The following CARMIL3 variants were observed in gnomAD, a reference collection of about 807,000 sequenced individuals.
The protein encoded by CARMIL3 is capping protein regulator and myosin 1 linker 3, also known as capping protein, Arp2/3 and myosin-I linker protein 3.
A neutral mutation model predicts 180.8 loss-of-function variants in CARMIL3; 88 were observed. The ratio of observed to expected loss-of-function variants is 0.49; its 90% CI spans 0.41 to 0.58. The LOEUF is 0.58. CARMIL3 is among the 20% of genes least tolerant of loss of function. The probability of loss-of-function intolerance (pLI) is 0.00; values close to 1 mark genes in which losing one functional copy is unlikely to be tolerated. For synonymous variants in CARMIL3, 696 were observed against 714.5 expected, an observed-to-expected ratio of 0.97 and a Z score of 0.41; for missense variants, 1,548 against 1,787.0, an observed-to-expected ratio of 0.87 and a Z score of 2.41.
intron 11 of CARMIL3, 62 bp downstream of exon 11, chr14:24,056,455 C>A: frequency 6.5e-7 from 1 of 1,549,288 alleles, no homozygotes; most frequent in Non-Finnish European, 8.9e-7. Flanking sequence ...AGCCCAGAGC[C>A]CAACCAGGTC....
intron 29 of CARMIL3, 118 bp from the exon 30 acceptor site, chr14:24,063,001 AT>A: frequency 6.5e-7 from 1 of 1,534,946 alleles, no homozygotes; most frequent in Admixed American, 1.8e-5. Flanking sequence ...CTCTTCCCTC[AT>A]CCCAGTGCCT....
Position 24,058,028 on chromosome 14 carries a change from A to G in CARMIL3, c.1286A>G (p.Asn429Ser), listed in dbSNP as rs778943557. 4 of 1,613,714 alleles carry G rather than the reference A, an allele frequency of 2.5e-6. No individual in the cohort carries two copies. Among genetic ancestry groups the G allele is most frequent in the East Asian group, 4.5e-5 (2 of 44,854 alleles). The change falls in exon 16 of 40, where the codon AAT becomes AGT. Residue 429 changes from asparagine to serine, a missense_variant. Asn to Ser is a conservative substitution (Grantham distance 46). Around this residue, in one of 4 missense-constraint regions of CARMIL3, gnomAD observed 578 missense variants for 666.5 expected, o/e 0.87. Transcript: ENST00000342740. The surrounding 1 kb of genome is among the most constrained non-coding windows in gnomAD (Gnocchi z 6.4). ...FSSAYTLSHV[N>S]LSATKLPLEA... ...AGCGCCTACACACTGAGCCACGTCA[A>G]TCTGTCGGCCACAAAGCTGCCCCTG...
chr14:24,055,397 C>A, intron 8 of CARMIL3, 87 bp downstream of exon 8: 1 of 1,525,560 alleles, frequency 6.6e-7, no homozygotes, highest in Non-Finnish European at 9.1e-7. Context: ...TCTGGTCCCA[C>A]AGCCCCAGCT....
At chr14:24,062,181 T>C in intron 27 of CARMIL3, 1 of 511,610 alleles carries the variant, frequency 2.0e-6, no homozygotes, top group East Asian at 3.4e-5. Context: ...CCCAATTACC[T>C]AGCTCTGTTC....
In CARMIL3 at chr14:24,068,798, G is replaced by A. The variant is rs151201585; in HGVS notation, c.3814G>A (p.Ala1272Thr). The change falls in exon 38 of 40, where the codon GCT (alanine) becomes ACT (threonine). Residue 1272 changes from alanine to threonine, a missense_variant. By Grantham distance (58) the Ala-to-Thr change is moderately conservative (BLOSUM62 0). This residue lies in a region of CARMIL3 where 668 missense variants were observed against 687.8 expected (regional missense o/e 0.97). Coordinates refer to ENST00000342740, the MANE Select transcript of CARMIL3 (RefSeq NM_138360.4). ...CTTCCTCTGCCAGCTACAGGACCCC[G>A]CTCTAGCTCCATGGCCTCCCAAGCC... ...PARNAKLQDP[A>T]LAPWPPKPVA... The A allele has an allele frequency of 1.9e-5, 30 of 1,613,834 alleles. No individual in the cohort carries two copies. The highest frequency in any genetic ancestry group is 6.7e-5 in the East Asian group (3 of 44,896).
rs1437068230 is a variant in CARMIL3 at position 24,062,504 on chromosome 14, C to T, written c.2505C>T (p.Thr835=). ...KLDEVKLSVV[T]YLTSSIVDEI... is the part of the protein sequence containing the mutation. ...GTGAAGTGAAGCTCTCAGTCGTCAC[C>T]TACCTAACCAGCTCCATAGTGGATG... The change falls in exon 28 of 40, where the codon ACC becomes ACT. Residue 835 remains threonine, a synonymous_variant. Coordinates refer to ENST00000342740, the MANE Select transcript of CARMIL3 (RefSeq NM_138360.4). The T allele has an allele frequency of 4.3e-6, 7 of 1,614,212 alleles. No individual in the cohort carries two copies. The highest frequency in any genetic ancestry group is 1.7e-5 in the Admixed American group (1 of 60,036).
rs938529037 is a variant in CARMIL3 at position 24,064,945 on chromosome 14, C to T, written c.3081-13C>T. On this transcript the variant is annotated splice_polypyrimidine_tract_variant and intron_variant, in intron 32 of 39. Coordinates refer to ENST00000342740, the MANE Select transcript of CARMIL3 (RefSeq NM_138360.4). Reference sequence around the variant, plus strand: ...TCTGGCATTTGTTGCTAACTTACCCCGATTCTCCCCAGCTACCCCCGGACT... The same window carrying T: ...TCTGGCATTTGTTGCTAACTTACCCTGATTCTCCCCAGCTACCCCCGGACT... 9.3e-6 allele frequency: 15 copies of T among 1,607,182 alleles called. No homozygotes were observed. Among genetic ancestry groups the T allele is most frequent in the Non-Finnish European group, 1.2e-5 (14 of 1,177,990 alleles).
chr14:24,060,724 G>A lies in CARMIL3; in HGVS notation c.2158G>A (p.Asp720Asn). The change falls in exon 25 of 40, where the codon GAC becomes AAC. Residue 720 changes from aspartate to asparagine, a missense_variant. This residue lies in a region of CARMIL3 where 297 missense variants were observed against 415.9 expected (regional missense o/e 0.71). Transcript: ENST00000342740. ...GCAGGATGAGCTACTCTACGCTCGGGACCTCATCAAAGATGCCAAGAACTC... is the reference window on the plus strand; with the variant it reads ...GCAGGATGAGCTACTCTACGCTCGGAACCTCATCAAAGATGCCAAGAACTC... The part of the protein sequence containing the change: ...PVQDELLYAR[D>N]LIKDAKNSRA... 1 of 1,613,988 alleles carries A rather than the reference G, an allele frequency of 6.2e-7. No individual in the cohort carries two copies. The highest frequency in any genetic ancestry group is 8.5e-7 in the Non-Finnish European group (1 of 1,179,968).
In CARMIL3 at chr14:24,058,120, A is replaced by AG. The variant is rs753050261; in HGVS notation, c.1323-33dup. ...CAAGGGAACCACGGGGAGCGGGAAGAGGTAAAGGAGGGCCTGCTGACCTCC... is the reference window on the plus strand; with the variant it reads ...CAAGGGAACCACGGGGAGCGGGAAGAGGGTAAAGGAGGGCCTGCTGACCTCC... On this transcript the variant is annotated intron_variant, in intron 16 of 39. Transcript: ENST00000342740. The surrounding 1 kb of genome is among the most constrained non-coding windows in gnomAD (Gnocchi z 6.4). The AG allele has an allele frequency of 3.1e-6, 5 of 1,613,748 alleles. No homozygotes were observed. In the East Asian group the frequency reaches 1.1e-4, roughly 36 times the overall value.
Position 24,058,620 on chromosome 14 carries a change from T to C in CARMIL3, c.1393-60T>C. Reference sequence around the variant, plus strand: ...TGGTGTGACTACTATATCCTAAGCATTAAAGGTGCCCTACCCCCACCCCAA... The same window carrying C: ...TGGTGTGACTACTATATCCTAAGCACTAAAGGTGCCCTACCCCCACCCCAA... On this transcript the variant is annotated intron_variant, in intron 17 of 39. Transcript: ENST00000342740. The surrounding 1 kb of genome is among the most constrained non-coding windows in gnomAD (Gnocchi z 6.4). 7.0e-7 allele frequency: 1 copy of C among 1,425,514 alleles called. No homozygotes were observed. The highest frequency in any genetic ancestry group is 1.2e-5 in the South Asian group (1 of 84,738). The allele number at this position is 1,425,514 out of a possible 1,614,324, so 88.3% of individuals were successfully genotyped here. A position where few individuals can be genotyped will look rare whatever the true frequency, so the allele number is the denominator to read the frequency against.
Position 24,054,052 on chromosome 14 carries a change from C to G in CARMIL3, c.136-36C>G, listed in dbSNP as rs1310978049. 1 of 1,611,612 alleles carries G rather than the reference C, an allele frequency of 6.2e-7. No individual in the cohort carries two copies. On this transcript the variant is annotated intron_variant, in intron 2 of 39. Transcript: ENST00000342740. This position sits in a 1 kb window ranked among gnomAD's most constrained non-coding sequence, Gnocchi z 5.1. Reference sequence around the variant, plus strand: ...GGGCAGGGCCACCAAGGCCCAGCAGCTGCCATGAGCTGCCGATTTTTTCCT... The same window carrying G: ...GGGCAGGGCCACCAAGGCCCAGCAGGTGCCATGAGCTGCCGATTTTTTCCT...
In CARMIL3 at chr14:24,068,900, C is replaced by T; in HGVS notation, c.3916C>T (p.Pro1306Ser). The change falls in exon 38 of 40, where the codon CCA becomes TCA. Residue 1306 changes from proline to serine, a missense_variant. This residue lies in a region of CARMIL3 where 668 missense variants were observed against 687.8 expected (regional missense o/e 0.97). Coordinates refer to ENST00000342740, the MANE Select transcript of CARMIL3 (RefSeq NM_138360.4). ...GGAGGCTGAGGCTGGAGATGCAGCT[C>T]CAGGAGTCAACAAACCCCGGCTGAG... ...REEAEAGDAAPGVNKPRLRLS... is the reference protein window; with the variant it reads ...REEAEAGDAASGVNKPRLRLS... 6.2e-7 allele frequency: 1 copy of T among 1,603,398 alleles called. No individual in the cohort carries two copies. The highest frequency in any genetic ancestry group is 1.3e-5 in the African/African-American group (1 of 74,834).
rs112606230 is a variant in CARMIL3, at chr14:24,065,265, C to A, written c.3388C>A (p.Arg1130=). ...TGGGGGCCGGGGACCTTCCTTCCGC[C>A]GGAAGATGGTAAGTGAGGCAGGGGG... ...FGGGRGPSFR[R]KMGTEGSEPG... is the part of the protein sequence containing the mutation. The change falls in exon 33 of 40, where the codon CGG becomes AGG. Residue 1130 remains arginine, a synonymous_variant. Transcript: ENST00000342740. 2,918 of 1,533,164 alleles carry A rather than the reference C, an allele frequency of 1.9e-3. 71 individuals are homozygous for A. The African/African-American group carries it at 0.034, about 18-fold the overall frequency. The allele number at this position is 1,533,164 out of a possible 1,614,324, so 95.0% of individuals were successfully genotyped here.
chr14:24,061,234 G>A lies in CARMIL3; in HGVS notation c.2304+194G>A, dbSNP rs1433357665. ...TGGATTTTTTTCTGCTAGCTTTGATGTTGGTCCCTGAACTCTGACCTCCCT... is the reference window on the plus strand; with the variant it reads ...TGGATTTTTTTCTGCTAGCTTTGATATTGGTCCCTGAACTCTGACCTCCCT... On this transcript the variant is annotated intron_variant, in intron 26 of 39. Coordinates refer to ENST00000342740, the MANE Select transcript of CARMIL3 (RefSeq NM_138360.4). The surrounding 1 kb of genome is among the most constrained non-coding windows in gnomAD (Gnocchi z 4.1). 2 of 637,210 alleles carry A rather than the reference G, an allele frequency of 3.1e-6. No homozygotes were observed. The highest frequency in any genetic ancestry group is 5.4e-6 in the Non-Finnish European group (2 of 369,972). 39.5% of individuals were successfully genotyped at this position (637,210 alleles called of 1,614,324 possible).
At chr14:24,052,904 G>A (rs1220594555) in intron 1 of CARMIL3, among the ~76,000 whole-genome samples, 3 of 152,154 alleles carry the variant, frequency 2.0e-5, no homozygotes. Context: ...CCCCAGAGAC[G>A]GGAGCACAGG....
At chr14:24,065,538 C>T in intron 33 of CARMIL3, 84 bp from the exon 34 acceptor site, 1 of 1,518,836 alleles carries the variant, frequency 6.6e-7, no homozygotes, top group African/African-American at 1.4e-5. Flanking sequence ...CTCAGTGAGG[C>T]AGGGGTCCTC....
At position 24,054,157 on chromosome 14, in the gene CARMIL3, C is replaced by G. The variant is rs773683215; in HGVS notation, c.186+19C>G. ...GGCCAAGGTGAGTTGGGCTGAGGAGCAGGAGAGCACCTGGCATGCTCCCTA... is the reference window on the plus strand; with the variant it reads ...GGCCAAGGTGAGTTGGGCTGAGGAGGAGGAGAGCACCTGGCATGCTCCCTA... On this transcript the variant is annotated intron_variant, in intron 3 of 39. Coordinates refer to ENST00000342740, the MANE Select transcript of CARMIL3 (RefSeq NM_138360.4). This position sits in a 1 kb window ranked among gnomAD's most constrained non-coding sequence, Gnocchi z 5.1. 45 of 1,614,044 alleles carry G rather than the reference C, an allele frequency of 2.8e-5. No individual in the cohort carries two copies. The East Asian group carries it at 8.9e-4, about 32-fold the overall frequency.
intron 31 of CARMIL3, 73 bp from the exon 32 acceptor site, chr14:24,064,172 GA>G: frequency 4.2e-6 from 4 of 955,096 alleles, no homozygotes; most frequent in Non-Finnish European, 6.6e-6. Context: ...GCCCAAAGGG[GA>G]ATGCTCTGAG....
chr14:24,060,618 T>C lies in CARMIL3; in HGVS notation c.2062-10T>C, dbSNP rs751227405. On this transcript the variant is annotated splice_polypyrimidine_tract_variant and intron_variant, in intron 24 of 39. Transcript: ENST00000342740. ...GGGGTCCCCTTGACACCCCTGCCAC[T>C]GTGCTCCAGATGCTGCAGCGGCTGT... 1.9e-6 allele frequency: 3 copies of C among 1,613,308 alleles called. No homozygotes were observed. The highest frequency in any genetic ancestry group is 2.5e-6 in the Non-Finnish European group (3 of 1,179,646).
Sources: gnomAD v4.1 joint callset for allele counts (sites outside exome capture counted in the v4.1 genomes callset) on GRCh38, gnomAD v4.1.1 for gene constraint, gnomAD v4.1.1 regional missense constraint, Gnocchi (gnomAD v3.1) non-coding constraint, MANE v1.5 for transcripts, NCBI Gene and HGNC (gene_info 2026-07-23, HGNC 2026-07-21) for gene names.